MIA3: variants seen among roughly 807,000 people sequenced by gnomAD.
MIA3 encodes the protein transport and Golgi organization protein 1 homolog.
MIA3 carries 90 observed loss-of-function variants against 192.4 expected under a neutral mutation model. The ratio of observed to expected loss-of-function variants is 0.47; its 90% CI spans 0.39 to 0.56. The LOEUF (loss-of-function observed/expected upper bound fraction) is 0.56, where lower values mean the gene tolerates loss of function less well. Among genes scored for constraint, MIA3 ranks in the 20% least tolerant of loss-of-function variants. The pLI, the probability that MIA3 is intolerant of heterozygous loss-of-function variation, is 0.00. For missense variants in MIA3, 2,123 were observed against 2,269.4 expected (o/e 0.94, Z 1.31); for synonymous variants, 740 against 792.8 (o/e 0.93, Z 1.12).
At position 222,628,280 on chromosome 1, in the gene MIA3, A is replaced by G. The variant is rs1662213879; in HGVS notation, c.1060A>G (p.Lys354Glu). The G allele has an allele frequency of 3.1e-6, 5 of 1,613,944 alleles. No individual in the cohort carries two copies. Among genetic ancestry groups the G allele is most frequent in the Middle Eastern group, 1.6e-4 (1 of 6,084 alleles). The stretch of plus-strand genomic sequence containing the variant: ...TGGCGTTGAGAAATATCCAACAGAT[A>G]AAGAGCAGAATTCAAATGAAGAGGA... ...KSGVEKYPTDKEQNSNEEDKV... is the reference protein window; with the variant it reads ...KSGVEKYPTDEEQNSNEEDKV... The change falls in exon 4 of 28, where the codon AAA (lysine) becomes GAA (glutamate). Residue 354 changes from lysine (K) to glutamate (E), a missense_variant. Physicochemically the swap from Lys to Glu is moderately conservative, Grantham distance 56 (BLOSUM62 1). Around this residue, in one of 3 missense-constraint regions of MIA3, gnomAD observed 1,357 missense variants for 1,396.1 expected, o/e 0.97. Coordinates refer to ENST00000344922, the MANE Select transcript of MIA3 (RefSeq NM_198551.4).
chr1:222,653,381 T>C, intron 15 of MIA3, 42 bp downstream of exon 15: 2 of 1,273,456 alleles, frequency 1.6e-6, no homozygotes, highest in South Asian at 2.5e-5. Context: ...TTTGCCTTCC[T>C]GTCTTTAAGT....
In MIA3 at chr1:222,644,078, C is replaced by T. The variant is rs183363744; in HGVS notation, c.3478-1476C>T. Among the ~76,000 whole-genome samples the T allele has an allele frequency of 1.2e-3, 177 of 152,312 alleles. 1 individual carries two copies. Among genetic ancestry groups the T allele is most frequent in the Non-Finnish European group, 2.1e-3 (145 of 68,032 alleles). ...CTTTTCCCCAGCTGCCGCCCACAAT[C>T]CTCCTCCAGGTAAATCCCTGGCCTC... On this transcript the variant is annotated intron_variant, in intron 6 of 27. Transcript: ENST00000344922.
At chr1:222,619,653 G>A (rs1661770500) in intron 1 of MIA3, among the ~76,000 whole-genome samples, 1 of 152,228 alleles carries the variant, frequency 6.6e-6, no homozygotes, top group Admixed American at 6.5e-5. Flanking sequence ...TTGCTTGCAA[G>A]CATTGCCCTG....
chr1:222,627,426 G>C, intron 3 of MIA3, 149 bp from the exon 4 acceptor site: 1 of 650,838 alleles, frequency 1.5e-6, no homozygotes, highest in East Asian at 2.7e-5. Flanking sequence ...TCCACCCACT[G>C]CCCAAGAACA....
Position 222,650,635 on chromosome 1 carries a change from T to G in MIA3, c.3722T>G (p.Ile1241Ser), listed in dbSNP as rs1248889084. Residue 1241 changes from isoleucine to serine, a missense_variant and splice_region_variant, in exon 10 of 28, where the codon ATC becomes AGC. Ile to Ser is a moderately radical substitution (Grantham distance 142, BLOSUM62 -2). Coordinates refer to ENST00000344922, the MANE Select transcript of MIA3 (RefSeq NM_198551.4). The stretch of plus-strand genomic sequence containing the variant: ...TTCTGAATGCTTTATTTTATATAGA[T>G]CAAGGAATCAAAGAAACATGTTCAG... ...VQKLSNYEQK[I>S]KESKKHVQET... is the part of the protein sequence containing the mutation. 6.4e-7 allele frequency: 1 copy of G among 1,568,958 alleles called. No homozygotes were observed. The highest frequency in any genetic ancestry group is 1.8e-5 in the Admixed American group (1 of 56,330).
chr1:222,654,736 G>C lies in MIA3; in HGVS notation c.4550G>C (p.Arg1517Thr). The change falls in exon 18 of 28, where the codon AGG (arginine) becomes ACG (threonine). Residue 1517 changes from arginine to threonine, a missense_variant. Around this residue, in one of 3 missense-constraint regions of MIA3, gnomAD observed 762 missense variants for 856.4 expected, o/e 0.89. Coordinates refer to ENST00000344922, the MANE Select transcript of MIA3 (RefSeq NM_198551.4). Reference sequence around the variant, plus strand: ...CTGGAAGATGAATGCAAAACCTTGAGGCAGAAAGTGGAGATTCTGAATGAG... The same window carrying C: ...CTGGAAGATGAATGCAAAACCTTGACGCAGAAAGTGGAGATTCTGAATGAG... ...AGLEDECKTL[R>T]QKVEILNELY... 1 of 1,614,118 alleles carries C rather than the reference G, an allele frequency of 6.2e-7. No individual in the cohort carries two copies. The highest frequency in any genetic ancestry group is 8.5e-7 in the Non-Finnish European group (1 of 1,179,980).
At position 222,628,698 on chromosome 1, in the gene MIA3, T is replaced by G. The variant is rs1662239643; in HGVS notation, c.1478T>G (p.Met493Arg). The change falls in exon 4 of 28, where the codon ATG becomes AGG. Residue 493 changes from methionine (M) to arginine (R), a missense_variant. Physicochemically the swap from Met to Arg is moderately conservative, Grantham distance 91. Transcript: ENST00000344922. ...TTAGAGGATGAAAATCAAGAAGGCATGACTGTGCACAGTTCTGTTCACAGC... is the reference window on the plus strand; with the variant it reads ...TTAGAGGATGAAAATCAAGAAGGCAGGACTGTGCACAGTTCTGTTCACAGC... ...TELEDENQEG[M>R]TVHSSVHSNN... 6.2e-7 allele frequency: 1 copy of G among 1,614,166 alleles called. No homozygotes were observed. The highest frequency in any genetic ancestry group is 1.1e-5 in the South Asian group (1 of 91,082).
intron 6 of MIA3, among the ~76,000 whole-genome samples, chr1:222,640,607 C>A (rs1662809987): frequency 6.6e-6 from 1 of 152,064 alleles, no homozygotes; most frequent in Admixed American, 6.5e-5. Context: ...CATAAATTAA[C>A]TCAAAGCAGA....
chr1:222,651,519 T>A (rs1326767132), intron 11 of MIA3, among the ~76,000 whole-genome samples: 1 of 152,048 alleles, frequency 6.6e-6, no homozygotes, highest in Non-Finnish European at 1.5e-5. Context: ...TCTATATGGG[T>A]GATCTGTCTA....
chr1:222,624,661 T>C (rs1468301956), intron 2 of MIA3, 107 bp from the exon 3 acceptor site: 1 of 631,812 alleles, frequency 1.6e-6, no homozygotes, highest in Non-Finnish European at 2.9e-6. Context: ...CAAGAAAAAG[T>C]TGATTGCTTG....
Position 222,654,716 on chromosome 1 carries a change from A to T in MIA3, c.4530A>T (p.Glu1510Asp). The T allele has an allele frequency of 6.2e-7, 1 of 1,614,186 alleles. No individual in the cohort carries two copies. Among genetic ancestry groups the T allele is most frequent in the Non-Finnish European group, 8.5e-7 (1 of 1,180,000 alleles). ...NSLQAAKAGL[E>D]DECKTLRQKV... ...TACAAGCTGCCAAAGCTGGACTGGA[A>T]GATGAATGCAAAACCTTGAGGCAGA... The change falls in exon 18 of 28, where the codon GAA becomes GAT. Residue 1510 changes from glutamate (E) to aspartate (D), a missense_variant. This residue lies in a region of MIA3 where 762 missense variants were observed against 856.4 expected (regional missense o/e 0.89). Coordinates refer to ENST00000344922, the MANE Select transcript of MIA3 (RefSeq NM_198551.4).
Position 222,624,807 on chromosome 1 carries a change from C to A in MIA3, c.307C>A (p.Gln103Lys). Reference protein sequence around the residue: ...TFGYFPKDLIQVVHEYTKEEL... With the variant: ...TFGYFPKDLIKVVHEYTKEEL... ...TGGATATTTTCCAAAAGATTTAATC[C>A]AGGTAGTTCATGAATATACCAAAGA... Residue 103 changes from glutamine to lysine, a missense_variant, in exon 3 of 28, where the codon CAG (glutamine) becomes AAG (lysine). By Grantham distance (53) the Gln-to-Lys change is moderately conservative. Transcript: ENST00000344922. 1 of 1,601,300 alleles carries A rather than the reference C, an allele frequency of 6.2e-7. No homozygotes were observed. The highest frequency in any genetic ancestry group is 8.6e-7 in the Non-Finnish European group (1 of 1,169,576).
At chr1:222,624,506 G>A (rs774239054) in intron 2 of MIA3, among the ~76,000 whole-genome samples, 1 of 152,146 alleles carries the variant, frequency 6.6e-6, no homozygotes, top group African/African-American at 2.4e-5. Flanking sequence ...TGTACAGTGA[G>A]TAAAAAGTGA....
Position 222,666,310 on chromosome 1 carries a change from G to GT in MIA3, c.*694dup, listed in dbSNP as rs1405012823. The GT allele has an allele frequency of 1.8e-4, 28 of 152,108 alleles. No individual in the cohort carries two copies. Among genetic ancestry groups the GT allele is most frequent in the Admixed American group, 1.8e-3 (28 of 15,258 alleles). The allele number at this position is 152,108 out of a possible 1,614,324, so 9.4% of individuals were successfully genotyped here. A position where few individuals can be genotyped will look rare whatever the true frequency, so the allele number is the denominator to read the frequency against. ...AGTGACGTCTTTTTATTTCAAAGAA[G>GT]TTTATTTCCCACTTGTATAGCATTC... On this transcript the variant is annotated 3_prime_UTR_variant, in exon 28 of 28. Transcript: ENST00000344922.
At chr1:222,622,816 T>A (rs1661934706) in intron 2 of MIA3, among the ~76,000 whole-genome samples, 1 of 152,216 alleles carries the variant, frequency 6.6e-6, no homozygotes, top group African/African-American at 2.4e-5. Flanking sequence ...TTTTGCTCAT[T>A]CACGTCTTCA....
rs115277565 is a variant in MIA3, at chr1:222,658,180, A to T, written c.4608-542A>T. Among the ~76,000 whole-genome samples, 199 of 152,282 alleles carry T rather than the reference A, an allele frequency of 1.3e-3. 1 individual carries two copies. Among genetic ancestry groups the T allele is most frequent in the African/African-American group, 4.6e-3 (190 of 41,552 alleles). On this transcript the variant is annotated intron_variant, in intron 18 of 27. Coordinates refer to ENST00000344922, the MANE Select transcript of MIA3 (RefSeq NM_198551.4). ...TGTCTCGCTGCTTTATCATGATTCCATTGAAATAGGTAGGGGAGCTCCATA... is the reference window on the plus strand; with the variant it reads ...TGTCTCGCTGCTTTATCATGATTCCTTTGAAATAGGTAGGGGAGCTCCATA...
chr1:222,625,485 T>C lies in MIA3; in HGVS notation c.354+631T>C, dbSNP rs1168884127. 2.6e-5 allele frequency among the ~76,000 whole-genome samples: 4 copies of C among 152,318 alleles called. No individual in the cohort carries two copies. In the East Asian group the frequency reaches 7.7e-4, roughly 29 times the overall value. On this transcript the variant is annotated intron_variant, in intron 3 of 27. Coordinates refer to ENST00000344922, the MANE Select transcript of MIA3 (RefSeq NM_198551.4). ...GTTAGACATTTTAAGGATATAGAAA[T>C]CAGGTTAAATTAATTAAGCTCTAAT...
chr1:222,653,926 G>T (rs1036770568), intron 15 of MIA3, among the ~76,000 whole-genome samples: 1 of 152,208 alleles, frequency 6.6e-6, no homozygotes, highest in Non-Finnish European at 1.5e-5. Flanking sequence ...ACCACACCTG[G>T]TAGTAGATTC....
chr1:222,628,619 A>G lies in MIA3; in HGVS notation c.1399A>G (p.Lys467Glu). 1 of 1,614,098 alleles carries G rather than the reference A, an allele frequency of 6.2e-7. No homozygotes were observed. Among genetic ancestry groups the G allele is most frequent in the African/African-American group, 1.3e-5 (1 of 75,038 alleles). ...EVNAEHHIKG[K>E]GRGVQESKRG... ...AAACGCAGAACATCACATTAAAGGAAAAGGGAGGGGAGTTCAGGAATCCAA... is the reference window on the plus strand; with the variant it reads ...AAACGCAGAACATCACATTAAAGGAGAAGGGAGGGGAGTTCAGGAATCCAA... The change falls in exon 4 of 28, where the codon AAA (lysine) becomes GAA (glutamate). Residue 467 changes from lysine to glutamate, a missense_variant. Around this residue, in one of 3 missense-constraint regions of MIA3, gnomAD observed 1,357 missense variants for 1,396.1 expected, o/e 0.97. Coordinates refer to ENST00000344922, the MANE Select transcript of MIA3 (RefSeq NM_198551.4).
Sources: gnomAD v4.1 joint callset for allele counts (sites outside exome capture counted in the v4.1 genomes callset) on GRCh38, gnomAD v4.1.1 for gene constraint, gnomAD v4.1.1 regional missense constraint, MANE v1.5 for transcripts, NCBI Gene and HGNC (gene_info 2026-07-23, HGNC 2026-07-21) for gene names.